The following CLASP2 variants were observed in gnomAD, a reference collection of about 807,000 sequenced individuals.
The protein encoded by CLASP2 is cytoplasmic linker associated protein 2.
In CLASP2, 47 loss-of-function variants were observed where a neutral mutation model predicts 194.4. That is an observed-to-expected ratio of 0.24 (90% CI 0.19 to 0.31). The LOEUF is 0.31. Among genes scored for constraint, CLASP2 ranks in the 10% least tolerant of loss-of-function variants. CLASP2 has a pLI of 1.00. For missense variants in CLASP2, 1,445 were observed against 1,823.6 expected (o/e 0.79, Z 3.78); for synonymous variants, 619 against 633.5 (o/e 0.98, Z 0.34).
chr3:33,550,392 CAAAAAAAAAAAA>C (rs555351261), intron 30 of CLASP2, among the ~76,000 whole-genome samples: 1 of 51,664 alleles, frequency 1.9e-5, no homozygotes, highest in Non-Finnish European at 3.8e-5. Flanking sequence ...GAGACTGCCT[CAAAAAAAAAAAA>C]AAAAAAAAAA....
In CLASP2 at chr3:33,576,610, C is replaced by G. The variant is rs1180818282; in HGVS notation, c.2348-335G>C. On this transcript the variant is annotated intron_variant, in intron 23 of 38. Coordinates refer to ENST00000682230, the MANE Select transcript of CLASP2 (RefSeq NM_001365631.1). ...GTTCAGGCAAATATCATCCATACGG[C>G]TGAATCACAGAGTAACCCAGGACAA... is the stretch of plus-strand genomic sequence containing the variant. 5.9e-5 allele frequency among the ~76,000 whole-genome samples: 9 copies of G among 152,138 alleles called. No homozygotes were observed. The East Asian group carries it at 1.5e-3, about 26-fold the overall frequency.
intron 7 of CLASP2, chr3:33,659,007 T>C: frequency 6.5e-7 from 1 of 1,535,910 alleles, no homozygotes; most frequent in Non-Finnish European, 8.7e-7. Flanking sequence ...TCCAGGGAGC[T>C]CTCTGAAACC....
At chr3:33,619,218 A>C (rs1314375458) in intron 12 of CLASP2, among the ~76,000 whole-genome samples, 3 of 152,222 alleles carry the variant, frequency 2.0e-5, no homozygotes, top group Non-Finnish European at 4.4e-5. Context: ...TTGTATATGC[A>C]GCCCACCATT....
Position 33,594,977 on chromosome 3 carries a change from GA to G in CLASP2, c.1949-10del. ...ATCTTCAGATGCTGTTCCTAAATAA[GA>G]AAAATAAAACAACATTTCAACAAAT... is the stretch of plus-strand genomic sequence containing the variant. On this transcript the variant is annotated splice_polypyrimidine_tract_variant and intron_variant, in intron 19 of 38. Coordinates refer to ENST00000682230, the MANE Select transcript of CLASP2 (RefSeq NM_001365631.1). 1 of 1,430,494 alleles carries G rather than the reference GA, an allele frequency of 7.0e-7. No individual in the cohort carries two copies. The highest frequency in any genetic ancestry group is 9.3e-7 in the Non-Finnish European group (1 of 1,070,650). The allele number at this position is 1,430,494 out of a possible 1,614,324, so 88.6% of individuals were successfully genotyped here. A position where few individuals can be genotyped will look rare whatever the true frequency, so the allele number is the denominator to read the frequency against.
intron 2 of CLASP2, among the ~76,000 whole-genome samples, chr3:33,694,480 C>A (rs928312442): frequency 3.9e-5 from 6 of 152,174 alleles, no homozygotes; most frequent in Non-Finnish European, 2.9e-5. Context: ...TACAGGGCAA[C>A]AGTCACAAAC....
chr3:33,515,067 G>A (rs1188808623), intron 36 of CLASP2, among the ~76,000 whole-genome samples: 2 of 152,104 alleles, frequency 1.3e-5, no homozygotes, highest in East Asian at 3.9e-4. Context: ...TGGGGACTTG[G>A]GGGAAAGAGT....
chr3:33,538,827 G>A lies in CLASP2; in HGVS notation c.3520C>T (p.Pro1174Ser). ...SFRSQEDMNE[P>S]LKRDSKKDDG... ...TCTTTTTTAGAATCCCTTTTCAATGGCTCATTCATATCTTCTTGGCTACGG... is the reference window on the plus strand; with the variant it reads ...TCTTTTTTAGAATCCCTTTTCAATGACTCATTCATATCTTCTTGGCTACGG... Residue 1174 changes from proline (P) to serine (S), a missense_variant, in exon 33 of 39, where the codon CCA (proline) becomes TCA (serine). This residue lies in a region of CLASP2 where 732 missense variants were observed against 987.9 expected (regional missense o/e 0.74). Coordinates refer to ENST00000682230, the MANE Select transcript of CLASP2 (RefSeq NM_001365631.1). 6.3e-7 allele frequency: 1 copy of A among 1,596,906 alleles called. No homozygotes were observed. Among genetic ancestry groups the A allele is most frequent in the Non-Finnish European group, 8.5e-7 (1 of 1,171,510 alleles).
intron 24 of CLASP2, 64 bp downstream of exon 24, chr3:33,576,105 G>T: frequency 7.9e-7 from 1 of 1,259,202 alleles, no homozygotes; most frequent in Non-Finnish European, 1.2e-6. Flanking sequence ...GGATAGACTG[G>T]CCTACTCATT....
chr3:33,633,686 C>T (rs932315597), intron 8 of CLASP2, among the ~76,000 whole-genome samples: 30 of 150,812 alleles, frequency 2.0e-4, no homozygotes, highest in African/African-American at 7.3e-4. Flanking sequence ...CAACAAGAGG[C>T]CATTAGGAAT....
At chr3:33,704,373 GA>G (rs2092564003) in intron 1 of CLASP2, among the ~76,000 whole-genome samples, 2 of 152,030 alleles carry the variant, frequency 1.3e-5, no homozygotes, top group African/African-American at 4.8e-5. Flanking sequence ...ATTTTACTGT[GA>G]ACCTAAAACT....
intron 5 of CLASP2, among the ~76,000 whole-genome samples, chr3:33,686,255 A>G (rs1026083551): frequency 1.3e-5 from 2 of 152,204 alleles, no homozygotes. Context: ...GACATGAACC[A>G]GAACACATCC....
chr3:33,629,329 G>T (rs1348163506), intron 9 of CLASP2, among the ~76,000 whole-genome samples: 1 of 152,164 alleles, frequency 6.6e-6, no homozygotes, highest in Non-Finnish European at 1.5e-5. Flanking sequence ...TGTTAAGGAA[G>T]CAGAAAATAC....
chr3:33,672,256 G>C (rs531452857), intron 6 of CLASP2, among the ~76,000 whole-genome samples: 2 of 152,280 alleles, frequency 1.3e-5, no homozygotes, highest in African/African-American at 4.8e-5. Flanking sequence ...ACTTCCAGAG[G>C]AACGAGCTGA....
chr3:33,682,291 C>T (rs2089979311), intron 6 of CLASP2, among the ~76,000 whole-genome samples: 1 of 151,908 alleles, frequency 6.6e-6, no homozygotes, highest in African/African-American at 2.4e-5. Flanking sequence ...GGTATTGTGA[C>T]TGACAAAAAA....
intron 7 of CLASP2, among the ~76,000 whole-genome samples, chr3:33,658,458 T>C (rs1224732392): frequency 6.6e-6 from 1 of 152,224 alleles, no homozygotes; most frequent in African/African-American, 2.4e-5. Flanking sequence ...AAAGGCTAAA[T>C]ATTTTCTAGA....
chr3:33,540,202 T>A (rs1374096500), intron 32 of CLASP2, among the ~76,000 whole-genome samples: 1 of 151,824 alleles, frequency 6.6e-6, no homozygotes, highest in Non-Finnish European at 1.5e-5. Context: ...AGTGTTGCGA[T>A]TACACGCATG....
intron 19 of CLASP2, 45 bp from the exon 20 acceptor site, chr3:33,595,013 G>A (rs1395879685): frequency 2.3e-6 from 3 of 1,331,548 alleles, no homozygotes; most frequent in Non-Finnish European, 3.0e-6. Context: ...TTCTGCCAAT[G>A]TTGATATTAA....
intron 23 of CLASP2, chr3:33,577,143 G>T: frequency 1.6e-6 from 2 of 1,228,664 alleles, no homozygotes; most frequent in East Asian, 2.4e-5. Context: ...AATGGAAACT[G>T]AAAAGGATAA....
rs868730750 is a variant in CLASP2, at chr3:33,562,295, C to T, written c.2767-1324G>A. On this transcript the variant is annotated intron_variant, in intron 27 of 38. Coordinates refer to ENST00000682230, the MANE Select transcript of CLASP2 (RefSeq NM_001365631.1). ...CACTACCCCCATAATCCCCCAAGAA[C>T]TTGGATTCTCTTAGATTCCAAACTT... is the stretch of plus-strand genomic sequence containing the variant. Among the ~76,000 whole-genome samples, 3 of 152,176 alleles carry T rather than the reference C, an allele frequency of 2.0e-5. No individual in the cohort carries two copies. The South Asian group carries it at 6.2e-4, about 31-fold the overall frequency.
Sources: allele counts gnomAD v4.1 joint callset (sites outside exome capture counted in the v4.1 genomes callset), GRCh38; gene constraint gnomAD v4.1.1; regional missense constraint gnomAD v4.1.1; transcripts MANE v1.5; gene names NCBI Gene and HGNC (gene_info 2026-07-23, HGNC 2026-07-21).